Variants in KCNQ3 observed in about 807,000 individuals in gnomAD.
The protein encoded by KCNQ3 is potassium voltage-gated channel subfamily Q member 3.
A neutral mutation model predicts 92.5 loss-of-function variants in KCNQ3; 30 were observed. That is an observed-to-expected ratio of 0.32 (90% CI 0.24 to 0.44). The LOEUF (loss-of-function observed/expected upper bound fraction) is 0.44, where lower values mean the gene tolerates loss of function less well. Among genes scored for constraint, KCNQ3 ranks in the 20% least tolerant of loss-of-function variants. KCNQ3 has a pLI of 1.00. For missense variants in KCNQ3, 913 were observed against 1,140.3 expected (o/e 0.80, Z 2.87); for synonymous variants, 450 against 468.8 (o/e 0.96, Z 0.52).
intron 1 of KCNQ3, among the ~76,000 whole-genome samples, chr8:132,289,837 G>C (rs1354575144): frequency 1.3e-5 from 2 of 152,144 alleles, no homozygotes; most frequent in East Asian, 3.9e-4. Flanking sequence ...CTTCCCAAAG[G>C]CCAGAATGTG....
intron 1 of KCNQ3, among the ~76,000 whole-genome samples, chr8:132,468,233 A>G (rs2721887): frequency 0.91 from 139,014 of 152,264 alleles, 63,516 homozygotes; most frequent in East Asian, 0.93. Context: ...GAGACGAAGC[A>G]GAAGCTGGGA....
chr8:132,342,223 T>G (rs561048674), intron 1 of KCNQ3, among the ~76,000 whole-genome samples: 32 of 152,248 alleles, frequency 2.1e-4, no homozygotes, highest in African/African-American at 7.2e-4. Context: ...CCCTCTCTCT[T>G]TCTTTCACCA....
intron 1 of KCNQ3, among the ~76,000 whole-genome samples, chr8:132,238,840 G>T (rs1814900152): frequency 6.6e-6 from 1 of 152,164 alleles, no homozygotes; most frequent in Non-Finnish European, 1.5e-5. Context: ...GAAGTCATAT[G>T]GTCCTAACCT....
At chr8:132,474,061 G>A (rs1374124225) in intron 1 of KCNQ3, among the ~76,000 whole-genome samples, 1 of 152,144 alleles carries the variant, frequency 6.6e-6, no homozygotes, top group Non-Finnish European at 1.5e-5. Context: ...AGATGGTCAG[G>A]GCAGCAGGAT....
chr8:132,207,174 G>T (rs568913497), intron 1 of KCNQ3, among the ~76,000 whole-genome samples: 63 of 152,204 alleles, frequency 4.1e-4, no homozygotes, highest in African/African-American at 1.5e-3. Flanking sequence ...ATAAGTCTTT[G>T]GAATTTCTGG....
rs529552385 is a variant in KCNQ3 at position 132,122,723 on chromosome 8, C to T, written c.*6539G>A. ...TAGGAGCTTTCACTTCAGCCTGACTCAGGAGAACTGAAACATCCTACCACA... is the reference window on the plus strand; with the variant it reads ...TAGGAGCTTTCACTTCAGCCTGACTTAGGAGAACTGAAACATCCTACCACA... On this transcript the variant is annotated 3_prime_UTR_variant, in exon 15 of 15. Coordinates refer to ENST00000388996, the MANE Select transcript of KCNQ3 (RefSeq NM_004519.4). 6.6e-6 allele frequency: 1 copy of T among 152,298 alleles called. No individual in the cohort carries two copies. The highest frequency in any genetic ancestry group is 1.9e-4 in the East Asian group (1 of 5,190). The allele number at this position is 152,298 out of a possible 1,614,324, so 9.4% of individuals were successfully genotyped here. A position where few individuals can be genotyped will look rare whatever the true frequency, so the allele number is the denominator to read the frequency against.
At chr8:132,186,927 T>TGAGAGAGA (rs1259312197) in intron 1 of KCNQ3, among the ~76,000 whole-genome samples, 82 of 85,122 alleles carry the variant, frequency 9.6e-4, no homozygotes, top group South Asian at 4.9e-3. Flanking sequence ...TGTGTGTGTG[T>TGAGAGAGA]GTGTGTGAGA....
At chr8:132,455,014 GA>G (rs201318689) in intron 1 of KCNQ3, among the ~76,000 whole-genome samples, 11,159 of 152,244 alleles carry the variant, frequency 0.073, 415 homozygotes, top group Middle Eastern at 0.1. Flanking sequence ...AGAGGCTGGG[GA>G]GAGGGGGAAG....
chr8:132,133,354 C>CTTTTTTTTTTTTT (rs10673519), intron 13 of KCNQ3, among the ~76,000 whole-genome samples: 3 of 103,478 alleles, frequency 2.9e-5, no homozygotes, highest in Non-Finnish European at 5.4e-5. Flanking sequence ...GCTCTCGATT[C>CTTTTTTTTTTTTT]TTTTTTTTTT....
intron 1 of KCNQ3, among the ~76,000 whole-genome samples, chr8:132,437,285 A>C (rs989590797): frequency 1.3e-5 from 2 of 151,144 alleles, no homozygotes; most frequent in East Asian, 4.0e-4. Context: ...CTCAAAAAAA[A>C]AATAAAAATA....
At chr8:132,303,373 ATG>A (rs1491019566) in intron 1 of KCNQ3, among the ~76,000 whole-genome samples, 3 of 151,246 alleles carry the variant, frequency 2.0e-5, no homozygotes, top group African/African-American at 4.9e-5. Context: ...CTACAACACA[ATG>A]TGTAAAGTGC....
chr8:132,232,126 C>G (rs1814664085), intron 1 of KCNQ3, among the ~76,000 whole-genome samples: 1 of 152,168 alleles, frequency 6.6e-6, no homozygotes, highest in South Asian at 2.1e-4. Flanking sequence ...ATGCTCATTC[C>G]CCTATATCAG....
chr8:132,467,738 C>T (rs1822205911), intron 1 of KCNQ3, among the ~76,000 whole-genome samples: 1 of 152,170 alleles, frequency 6.6e-6, no homozygotes, highest in South Asian at 2.1e-4. Flanking sequence ...GAACAAATAT[C>T]CCTAGCTTTT....
rs1563758895 is a variant in KCNQ3, at chr8:132,126,566, T to C, written c.*2696A>G. The C allele has an allele frequency of 6.6e-6, 1 of 152,162 alleles. No individual in the cohort carries two copies. The highest frequency in any genetic ancestry group is 1.5e-5 in the Non-Finnish European group (1 of 68,042). The allele number at this position is 152,162 out of a possible 1,614,324, so 9.4% of individuals were successfully genotyped here. A position where few individuals can be genotyped will look rare whatever the true frequency, so the allele number is the denominator to read the frequency against. On this transcript the variant is annotated 3_prime_UTR_variant, in exon 15 of 15. Coordinates refer to ENST00000388996, the MANE Select transcript of KCNQ3 (RefSeq NM_004519.4). ...GGAAAAAAACAGCTCTTAAGGTTCT[T>C]ATTATTTATTCATTCATAAAACATG...
intron 8 of KCNQ3, among the ~76,000 whole-genome samples, chr8:132,168,606 C>T (rs1365730820): frequency 6.6e-6 from 1 of 152,012 alleles, no homozygotes; most frequent in Non-Finnish European, 1.5e-5. Context: ...ACTTTCTTTA[C>T]TTTGTCATGG....
intron 9 of KCNQ3, among the ~76,000 whole-genome samples, chr8:132,146,329 G>A (rs1324589094): frequency 1.3e-5 from 2 of 152,200 alleles, no homozygotes; most frequent in Admixed American, 1.3e-4. Context: ...CCTGATACAT[G>A]TTGCAACATG....
chr8:132,338,217 G>T (rs1051253330), intron 1 of KCNQ3, among the ~76,000 whole-genome samples: 6 of 152,172 alleles, frequency 3.9e-5, no homozygotes, highest in African/African-American at 1.4e-4. Context: ...GACCTTGGAG[G>T]TGAGGAGGCT....
rs1361594625 is a variant in KCNQ3 at position 132,221,228 on chromosome 8, T to G, written c.387-35047A>C. ...ATCCAGTCTACCATTGATGGACATA[T>G]AGGTTGGTTCCAAGTCTTTCTATTG... On this transcript the variant is annotated intron_variant, in intron 1 of 14. Coordinates refer to ENST00000388996, the MANE Select transcript of KCNQ3 (RefSeq NM_004519.4). Among the ~76,000 whole-genome samples the G allele has an allele frequency of 2.0e-5, 3 of 152,224 alleles. No homozygotes were observed. In the East Asian group the frequency reaches 5.8e-4, roughly 29 times the overall value.
intron 1 of KCNQ3, among the ~76,000 whole-genome samples, chr8:132,298,004 A>C (rs192590257): frequency 1.3e-5 from 2 of 152,344 alleles, no homozygotes; most frequent in East Asian, 3.9e-4. Flanking sequence ...TCAGATTCTA[A>C]AATCACAAAT....
Sources: allele counts gnomAD v4.1 joint callset (sites outside exome capture counted in the v4.1 genomes callset), GRCh38; gene constraint gnomAD v4.1.1; transcripts MANE v1.5; gene names NCBI Gene and HGNC (gene_info 2026-07-23, HGNC 2026-07-21).